SLC24A2: variants seen among roughly 807,000 people sequenced by gnomAD.
The protein encoded by SLC24A2 is sodium/potassium/calcium exchanger 2.
SLC24A2 carries 36 observed loss-of-function variants against 62.0 expected under a neutral mutation model. That is an observed-to-expected ratio of 0.58 (90% CI 0.44 to 0.77). The LOEUF is 0.77. SLC24A2 is among the 30% of genes least tolerant of loss of function. The pLI is 0.00. For synonymous variants in SLC24A2, 358 were observed against 294.0 expected (o/e 1.22, Z -2.23); for missense variants, 846 against 817.9 (o/e 1.03, Z -0.42).
intron 2 of SLC24A2, among the ~76,000 whole-genome samples, chr9:19,725,747 T>C (rs1459596524): frequency 2.0e-5 from 3 of 152,180 alleles, no homozygotes; most frequent in Non-Finnish European, 2.9e-5. Flanking sequence ...ATAGTTTACA[T>C]GCTCTCCTCA....
chr9:20,010,904 C>T, the SLC24A2 span, among the ~76,000 whole-genome samples: 240 of 152,014 alleles, frequency 1.6e-3, no homozygotes, highest in African/African-American at 5.6e-3. Flanking sequence ...ATGATGGTTT[C>T]CAGCTTCATC....
chr9:20,203,787 C>A, the SLC24A2 span, among the ~76,000 whole-genome samples: 1 of 152,160 alleles, frequency 6.6e-6, no homozygotes, highest in Admixed American at 6.5e-5. Flanking sequence ...TACATCCCAA[C>A]CCAAACTCTG....
the SLC24A2 span, among the ~76,000 whole-genome samples, chr9:19,838,806 T>G: frequency 6.7e-6 from 1 of 148,488 alleles, no homozygotes. Context: ...AACCTAGGCA[T>G]TACCCTTCAG....
At chr9:19,757,397 A>T (rs1390074272) in intron 2 of SLC24A2, among the ~76,000 whole-genome samples, 1 of 152,180 alleles carries the variant, frequency 6.6e-6, no homozygotes, top group Non-Finnish European at 1.5e-5. Context: ...GAAGAAAAAA[A>T]ATTGTAAAGC....
chr9:20,281,936 C>A, the SLC24A2 span, among the ~76,000 whole-genome samples: 1 of 152,104 alleles, frequency 6.6e-6, no homozygotes, highest in Non-Finnish European at 1.5e-5. Flanking sequence ...TTGTTGAACA[C>A]TGGCACATTT....
At chr9:20,227,335 A>G in the SLC24A2 span, among the ~76,000 whole-genome samples, 1 of 152,124 alleles carries the variant, frequency 6.6e-6, no homozygotes, top group Non-Finnish European at 1.5e-5. Flanking sequence ...CTTCAGAGCC[A>G]TGATCCTGTA....
At chr9:20,198,688 C>A in the SLC24A2 span, among the ~76,000 whole-genome samples, 1 of 151,856 alleles carries the variant, frequency 6.6e-6, no homozygotes, top group African/African-American at 2.4e-5. Flanking sequence ...TCTCTCTCCA[C>A]CCCCACCCCC....
intron 5 of SLC24A2, among the ~76,000 whole-genome samples, chr9:19,593,666 C>A (rs1172993740): frequency 1.3e-5 from 2 of 152,166 alleles, no homozygotes; most frequent in Non-Finnish European, 2.9e-5. Context: ...TCAAGCATTT[C>A]TTCCCACTCC....
chr9:19,582,885 T>C (rs7848995), intron 5 of SLC24A2, among the ~76,000 whole-genome samples: 33,433 of 151,792 alleles, frequency 0.22, 3,947 homozygotes, highest in African/African-American at 0.31. Flanking sequence ...CTGACCACTT[T>C]TTCCTTCCAC....
intron 8 of SLC24A2, among the ~76,000 whole-genome samples, chr9:19,549,922 A>T (rs1270241984): frequency 6.6e-6 from 1 of 152,220 alleles, no homozygotes; most frequent in Non-Finnish European, 1.5e-5. Flanking sequence ...GTCTGCTCAG[A>T]GAAATCTGTA....
the SLC24A2 span, among the ~76,000 whole-genome samples, chr9:19,845,729 C>T: frequency 6.6e-6 from 1 of 152,110 alleles, no homozygotes; most frequent in African/African-American, 2.4e-5. Flanking sequence ...ATGTTTAGTG[C>T]TATAAGCTTT....
the SLC24A2 span, among the ~76,000 whole-genome samples, chr9:19,817,940 G>A: frequency 6.6e-6 from 1 of 151,930 alleles, no homozygotes; most frequent in Non-Finnish European, 1.5e-5. Flanking sequence ...ATGTTACCCA[G>A]GCTGGTCTTG....
chr9:20,145,890 TTTG>T, the SLC24A2 span, among the ~76,000 whole-genome samples: 1 of 151,392 alleles, frequency 6.6e-6, no homozygotes, highest in Non-Finnish European at 1.5e-5. Flanking sequence ...AGATATAAAA[TTTG>T]TTTTTATAAT....
At chr9:19,902,979 T>C in the SLC24A2 span, among the ~76,000 whole-genome samples, 1 of 151,976 alleles carries the variant, frequency 6.6e-6, no homozygotes, top group African/African-American at 2.4e-5. Context: ...TGAGGACAGA[T>C]CCTACCTAGG....
intron 2 of SLC24A2, among the ~76,000 whole-genome samples, chr9:19,783,167 A>G (rs1587320951): frequency 6.6e-6 from 1 of 152,192 alleles, no homozygotes. Context: ...ATATTTGCCT[A>G]TGAAGCAAGT....
chr9:20,161,595 C>T, the SLC24A2 span, among the ~76,000 whole-genome samples: 1 of 150,890 alleles, frequency 6.6e-6, no homozygotes, highest in Non-Finnish European at 1.5e-5. Flanking sequence ...AATATAATTC[C>T]CTATAATAAG....
chr9:19,528,283 C>T (rs1007965668), intron 8 of SLC24A2, 145 bp from the exon 9 acceptor site: 1 of 695,186 alleles, frequency 1.4e-6, no homozygotes, highest in East Asian at 2.7e-5. Flanking sequence ...ACCCTACTCA[C>T]TCCTGATCAA....
chr9:20,151,977 G>T, the SLC24A2 span, among the ~76,000 whole-genome samples: 1 of 151,806 alleles, frequency 6.6e-6, no homozygotes, highest in African/African-American at 2.4e-5. Context: ...AGTGAAAATT[G>T]TATGTTTTTC....
At chr9:19,761,581 A>G (rs1822332089) in intron 2 of SLC24A2, among the ~76,000 whole-genome samples, 2 of 151,948 alleles carry the variant, frequency 1.3e-5, no homozygotes, top group South Asian at 4.2e-4. Flanking sequence ...TGCTGCACCC[A>G]TTAACTTCTC....
Sources: gnomAD v4.1 joint callset for allele counts (sites outside exome capture counted in the v4.1 genomes callset) on GRCh38, gnomAD v4.1.1 for gene constraint, MANE v1.5 for transcripts, NCBI Gene and HGNC (gene_info 2026-07-23, HGNC 2026-07-21) for gene names.